NRP1: variants seen among roughly 807,000 people sequenced by gnomAD.
The protein encoded by NRP1 is neuropilin-1.
A neutral mutation model predicts 106.7 loss-of-function variants in NRP1; 35 were observed. That is an observed-to-expected ratio of 0.33 (90% CI 0.25 to 0.43). The LOEUF is 0.43. Among genes scored for constraint, NRP1 ranks in the 20% least tolerant of loss-of-function variants. NRP1 has a pLI of 1.00. For synonymous variants in NRP1, 437 were observed against 417.9 expected, an observed-to-expected ratio of 1.05 and a Z score of -0.56; for missense variants, 1,024 against 1,170.4, an observed-to-expected ratio of 0.87 and a Z score of 1.83.
At chr10:33,293,426 A>T (rs1845145040) in intron 2 of NRP1, among the ~76,000 whole-genome samples, 1 of 152,200 alleles carries the variant, frequency 6.6e-6, no homozygotes, top group Non-Finnish European at 1.5e-5. Context: ...ATTCAGTCAC[A>T]TACAATTAAT....
At chr10:33,208,341 C>G (rs188483428) in intron 9 of NRP1, among the ~76,000 whole-genome samples, 26 of 152,358 alleles carry the variant, frequency 1.7e-4, no homozygotes, top group Admixed American at 3.3e-4. Context: ...GTGTGAGCCA[C>G]TGCACCTGGC....
At chr10:33,317,089 TA>T (rs1000284271) in intron 2 of NRP1, among the ~76,000 whole-genome samples, 1 of 152,250 alleles carries the variant, frequency 6.6e-6, no homozygotes, top group Non-Finnish European at 1.5e-5. Flanking sequence ...ATTTGACCCA[TA>T]GAGGCCCATA....
chr10:33,298,405 A>G (rs977367765), intron 2 of NRP1, among the ~76,000 whole-genome samples: 1 of 152,030 alleles, frequency 6.6e-6, no homozygotes, highest in African/African-American at 2.4e-5. Context: ...ACTGAGAAAC[A>G]CCTCATGAAT....
At chr10:33,288,957 A>G (rs1254991443) in intron 2 of NRP1, among the ~76,000 whole-genome samples, 1 of 151,830 alleles carries the variant, frequency 6.6e-6, no homozygotes, top group African/African-American at 2.4e-5. Context: ...CTTCCTACTT[A>G]CCCTAAATTT....
Position 33,213,801 on chromosome 10 carries a change from A to C in NRP1, c.1283-84T>G, listed in dbSNP as rs921294761. The C allele has an allele frequency of 8.5e-6, 9 of 1,061,898 alleles. No homozygotes were observed. In the African/African-American group the frequency reaches 1.4e-4, roughly 17 times the overall value. The allele number at this position is 1,061,898 out of a possible 1,614,324, so 65.8% of individuals were successfully genotyped here. A position where few individuals can be genotyped will look rare whatever the true frequency, so the allele number is the denominator to read the frequency against. On this transcript the variant is annotated intron_variant, in intron 8 of 16. Transcript: ENST00000374867. ...GAAATAAAATACAACATATGGAATAAAGACATGATTTTGTACCCAATCATA... is the reference window on the plus strand; with the variant it reads ...GAAATAAAATACAACATATGGAATACAGACATGATTTTGTACCCAATCATA...
intron 13 of NRP1, among the ~76,000 whole-genome samples, chr10:33,186,743 C>A (rs1301359245): frequency 2.0e-5 from 3 of 152,198 alleles, no homozygotes; most frequent in Non-Finnish European, 4.4e-5. Flanking sequence ...TAATGGAATG[C>A]ATTTTCATAT....
intron 2 of NRP1, among the ~76,000 whole-genome samples, chr10:33,294,226 A>G (rs1845212782): frequency 6.6e-6 from 1 of 152,160 alleles, no homozygotes; most frequent in Non-Finnish European, 1.5e-5. Flanking sequence ...TTAGAATGTG[A>G]GAATATAGCC....
chr10:33,193,085 A>G (rs1202297855), intron 12 of NRP1, among the ~76,000 whole-genome samples: 1 of 152,066 alleles, frequency 6.6e-6, no homozygotes, highest in African/African-American at 2.4e-5. Flanking sequence ...CCTCAATGTA[A>G]GGTCATCTAA....
At chr10:33,334,178 G>A in intron 1 of NRP1, 132 bp downstream of exon 1, 3 of 776,556 alleles carry the variant, frequency 3.9e-6, no homozygotes, top group Non-Finnish European at 6.2e-6. Flanking sequence ...TCTCCTCCCA[G>A]ATAAAAGTTT....
chr10:33,334,335 G>C lies in NRP1; in HGVS notation c.48C>G (p.Leu16=). 1 of 1,545,182 alleles carries C rather than the reference G, an allele frequency of 6.5e-7. No homozygotes were observed. Among genetic ancestry groups the C allele is most frequent in the Non-Finnish European group, 8.7e-7 (1 of 1,147,000 alleles). Residue 16 remains leucine (L), a synonymous_variant, in exon 1 of 17, where the codon CTC becomes CTG. Coordinates refer to ENST00000374867, the MANE Select transcript of NRP1 (RefSeq NM_003873.7). ...PLLCAVLALV[L]APAGAFRNDK... is the part of the protein sequence containing the mutation. ...CGTTGCGAAAAGCGCCGGCCGGGGC[G>C]AGGACGAGGGCGAGCACGGCGCAGA... is the stretch of plus-strand genomic sequence containing the variant.
intron 16 of NRP1, among the ~76,000 whole-genome samples, chr10:33,181,882 TTAAGC>T (rs1418061923): frequency 3.3e-5 from 5 of 152,106 alleles, no homozygotes; most frequent in Non-Finnish European, 7.4e-5. Context: ...AGGGAATTGC[TTAAGC>T]TAAGGAATTC....
intron 3 of NRP1, among the ~76,000 whole-genome samples, chr10:33,269,271 T>C (rs1342860544): frequency 1.3e-5 from 2 of 152,196 alleles, no homozygotes; most frequent in Non-Finnish European, 2.9e-5. Flanking sequence ...TGTTTGTTAA[T>C]TTGTTTATTA....
rs1158664603 is a variant in NRP1 at position 33,180,097 on chromosome 10, C to G, written c.2751G>C (p.Gln917His). The G allele has an allele frequency of 6.2e-7, 1 of 1,614,040 alleles. No individual in the cohort carries two copies. ...GCCTTCATGCCTCCGAATAAGTACT[C>G]TGTGTATTCAGTTTGTCTTTTTTCA... ...VKLKKDKLNT[Q>H]STYSEA Residue 917 changes from glutamine to histidine, a missense_variant, in exon 17 of 17, where the codon CAG (glutamine) becomes CAC (histidine). By Grantham distance (24) the Gln-to-His change is conservative. Transcript: ENST00000374867.
chr10:33,314,947 A>T (rs1846912684), intron 2 of NRP1, among the ~76,000 whole-genome samples: 1 of 152,214 alleles, frequency 6.6e-6, no homozygotes, highest in African/African-American at 2.4e-5. Flanking sequence ...GCTGGAACGG[A>T]AGCAGGCTCT....
At chr10:33,251,363 C>A (rs1156652327) in intron 6 of NRP1, among the ~76,000 whole-genome samples, 1 of 152,144 alleles carries the variant, frequency 6.6e-6, no homozygotes, top group Non-Finnish European at 1.5e-5. Context: ...TTAACCCAGT[C>A]TTGGGTAGTT....
chr10:33,182,761 A>C lies in NRP1; in HGVS notation c.2432-13T>G, dbSNP rs1835765529. Reference sequence around the variant, plus strand: ...AGGTCTGCTGGTTCTGACAAGTCAAACAAAATTGAAAGAGATATTTGAACT... The same window carrying C: ...AGGTCTGCTGGTTCTGACAAGTCAACCAAAATTGAAAGAGATATTTGAACT... On this transcript the variant is annotated splice_polypyrimidine_tract_variant and intron_variant, in intron 15 of 16. Transcript: ENST00000374867. The C allele has an allele frequency of 1.2e-6, 2 of 1,608,536 alleles. No individual in the cohort carries two copies. Among genetic ancestry groups the C allele is most frequent in the African/African-American group, 1.3e-5 (1 of 74,728 alleles).
intron 1 of NRP1, among the ~76,000 whole-genome samples, chr10:33,333,861 A>C (rs143897477): frequency 2.6e-5 from 4 of 152,226 alleles, no homozygotes; most frequent in African/African-American, 9.6e-5. Flanking sequence ...CCACAAACCG[A>C]TATCTCTGGC....
chr10:33,194,615 C>G (rs960167162), intron 12 of NRP1: 1 of 440,254 alleles, frequency 2.3e-6, no homozygotes, highest in African/African-American at 2.0e-5. Context: ...TACATTTAAC[C>G]AGGTGAACCG....
chr10:33,208,131 G>T (rs191343986), intron 9 of NRP1, among the ~76,000 whole-genome samples: 253 of 152,218 alleles, frequency 1.7e-3, no homozygotes, highest in Non-Finnish European at 1.8e-3. Flanking sequence ...TCACCATGTT[G>T]CCCAGGCTTG....
Sources: allele counts gnomAD v4.1 joint callset (sites outside exome capture counted in the v4.1 genomes callset), GRCh38; gene constraint gnomAD v4.1.1; transcripts MANE v1.5; gene names NCBI Gene and HGNC (gene_info 2026-07-23, HGNC 2026-07-21).